Variants in DCC observed in about 807,000 individuals in gnomAD.
DCC encodes netrin receptor DCC.
Under a neutral mutation model 172.5 loss-of-function variants are expected in DCC, and 58 were observed. The observed-to-expected ratio is 0.34, with a 90% confidence interval of 0.27 to 0.42. The LOEUF (loss-of-function observed/expected upper bound fraction) is 0.42, where lower values mean the gene tolerates loss of function less well. DCC is among the 10% of genes least tolerant of loss of function. DCC has a pLI of 1.00. For synonymous variants in DCC, 709 were observed against 644.5 expected, an observed-to-expected ratio of 1.10 and a Z score of -1.52; for missense variants, 1,740 against 1,791.0, an observed-to-expected ratio of 0.97 and a Z score of 0.51.
chr18:52,775,314 G>A (rs556239182), intron 2 of DCC, among the ~76,000 whole-genome samples: 13 of 152,276 alleles, frequency 8.5e-5, no homozygotes, highest in Admixed American at 7.2e-4. Context: ...AGCTCCTGAA[G>A]CCCCAGTGGG....
At chr18:53,344,256 C>T (rs2057696004) in intron 15 of DCC, among the ~76,000 whole-genome samples, 1 of 151,742 alleles carries the variant, frequency 6.6e-6, no homozygotes, top group Non-Finnish European at 1.5e-5. Flanking sequence ...TATCATTTTA[C>T]TTGCATTCCA....
intron 1 of DCC, among the ~76,000 whole-genome samples, chr18:52,396,514 T>C (rs1210163596): frequency 9.2e-5 from 14 of 152,040 alleles, no homozygotes; most frequent in Admixed American, 9.2e-4. Flanking sequence ...TGTTAGTTCC[T>C]GAAAGTCGCC....
At chr18:52,590,661 G>A (rs150054727) in intron 1 of DCC, among the ~76,000 whole-genome samples, 4 of 152,274 alleles carry the variant, frequency 2.6e-5, no homozygotes, top group African/African-American at 4.8e-5. Flanking sequence ...GTACTGGTCC[G>A]TCAGAATGGA....
chr18:53,007,753 A>G (rs190636270), intron 5 of DCC, among the ~76,000 whole-genome samples: 3 of 152,294 alleles, frequency 2.0e-5, no homozygotes, highest in Non-Finnish European at 4.4e-5. Flanking sequence ...TCAGAGGCTT[A>G]AGGACCAGGA....
At chr18:52,451,223 G>T (rs573653473) in intron 1 of DCC, among the ~76,000 whole-genome samples, 2 of 152,216 alleles carry the variant, frequency 1.3e-5, no homozygotes, top group Admixed American at 6.5e-5. Context: ...TTTTGAAGAG[G>T]TGACCTAGGG....
intron 19 of DCC, among the ~76,000 whole-genome samples, chr18:53,404,392 G>C (rs973924852): frequency 1.1e-5 from 1 of 90,400 alleles, no homozygotes; most frequent in African/African-American, 3.1e-5. Context: ...GCTTAATTTT[G>C]CTTCTTCAGG....
At chr18:53,098,674 C>T (rs896750381) in intron 7 of DCC, among the ~76,000 whole-genome samples, 1 of 152,098 alleles carries the variant, frequency 6.6e-6, no homozygotes, top group East Asian at 1.9e-4. Context: ...ATGGTTACTG[C>T]CAGATTTCCC....
At chr18:52,511,491 G>A (rs1733281147) in intron 1 of DCC, among the ~76,000 whole-genome samples, 2 of 152,242 alleles carry the variant, frequency 1.3e-5, no homozygotes, top group East Asian at 1.9e-4. Context: ...ACTGGGAAGG[G>A]GTTGAGGTTG....
At chr18:53,038,715 C>G (rs773402757) in intron 5 of DCC, among the ~76,000 whole-genome samples, 7 of 151,958 alleles carry the variant, frequency 4.6e-5, no homozygotes, top group Non-Finnish European at 7.4e-5. Flanking sequence ...AATTCCATAG[C>G]CACTAAGTGG....
chr18:52,985,804 A>G lies in DCC; in HGVS notation c.985+60434A>G, dbSNP rs73460726. 7.7e-3 allele frequency among the ~76,000 whole-genome samples: 1,177 copies of G among 152,050 alleles called. 19 individuals are homozygous for G. The highest frequency in any genetic ancestry group is 0.026 in the African/African-American group (1,074 of 41,480). On this transcript the variant is annotated intron_variant, in intron 5 of 28. Transcript: ENST00000442544. ...GCAAAATGAGATTCTTCAACTATTT[A>G]AGCTTTTCTACTAGTTTCTTACTGA...
At chr18:52,731,696 C>A (rs2036645185) in intron 1 of DCC, among the ~76,000 whole-genome samples, 1 of 152,016 alleles carries the variant, frequency 6.6e-6, no homozygotes, top group South Asian at 2.1e-4. Context: ...CCCCAAAAAA[C>A]CCACCCACAG....
chr18:53,510,368 A>C (rs1223590331), intron 27 of DCC, among the ~76,000 whole-genome samples: 1 of 152,230 alleles, frequency 6.6e-6, no homozygotes, highest in African/African-American at 2.4e-5. Flanking sequence ...GAATAGTGAT[A>C]ATGTTAAATC....
intron 7 of DCC, among the ~76,000 whole-genome samples, chr18:53,134,081 A>T (rs1252030000): frequency 6.6e-6 from 1 of 152,166 alleles, no homozygotes; most frequent in Non-Finnish European, 1.5e-5. Context: ...CATACTCATG[A>T]CTGCAAAAAG....
chr18:53,352,005 A>C (rs1166969862), intron 15 of DCC, among the ~76,000 whole-genome samples: 2 of 152,052 alleles, frequency 1.3e-5, no homozygotes, highest in Non-Finnish European at 2.9e-5. Context: ...ATATTGTAAT[A>C]AACAGTAAAG....
At chr18:52,435,978 A>G (rs1459833708) in intron 1 of DCC, among the ~76,000 whole-genome samples, 1 of 152,210 alleles carries the variant, frequency 6.6e-6, no homozygotes, top group African/African-American at 2.4e-5. Context: ...TCTCCCCAGT[A>G]GGACATTGTC....
chr18:52,814,197 C>G (rs983421737), intron 2 of DCC, among the ~76,000 whole-genome samples: 2 of 152,208 alleles, frequency 1.3e-5, no homozygotes, highest in African/African-American at 4.8e-5. Context: ...CCATACCTCT[C>G]CTAGCCCTGT....
At chr18:52,484,004 A>G (rs1340338932) in intron 1 of DCC, among the ~76,000 whole-genome samples, 1 of 151,992 alleles carries the variant, frequency 6.6e-6, no homozygotes. Context: ...TGTTCTCTGA[A>G]TGTTCCATTT....
chr18:52,890,336 A>C (rs114286329), intron 2 of DCC, among the ~76,000 whole-genome samples: 443 of 152,220 alleles, frequency 2.9e-3, no homozygotes, highest in African/African-American at 9.8e-3. Context: ...GGTGAGGTAT[A>C]CAGGAAAATA....
chr18:53,067,641 C>G (rs915282908), intron 7 of DCC, among the ~76,000 whole-genome samples: 4 of 152,140 alleles, frequency 2.6e-5, no homozygotes, highest in African/African-American at 9.7e-5. Context: ...AACCATCCTG[C>G]TGCTCTGAAA....
Sources: gnomAD v4.1 joint callset for allele counts (sites outside exome capture counted in the v4.1 genomes callset) on GRCh38, gnomAD v4.1.1 for gene constraint, MANE v1.5 for transcripts, NCBI Gene and HGNC (gene_info 2026-07-23, HGNC 2026-07-21) for gene names.